GSE1: variants seen among roughly 807,000 people sequenced by gnomAD.
GSE1 encodes Gse1 coiled-coil protein.
Under a neutral mutation model 112.6 loss-of-function variants are expected in GSE1, and 32 were observed. The ratio of observed to expected loss-of-function variants is 0.28; its 90% CI spans 0.21 to 0.38. The LOEUF (loss-of-function observed/expected upper bound fraction) is 0.38, where lower values mean the gene tolerates loss of function less well. Ranked by LOEUF, GSE1 falls within the 10% of genes least tolerant of loss-of-function variation. The pLI is 1.00. For missense variants in GSE1, 2,348 were observed against 1,699.2 expected, an observed-to-expected ratio of 1.38 and a Z score of -6.71; for synonymous variants, 1,115 against 735.6, an observed-to-expected ratio of 1.52 and a Z score of -8.35.
intron 1 of GSE1, among the ~76,000 whole-genome samples, chr16:85,304,595 C>CGGG (rs2045616253): frequency 6.3e-5 from 1 of 15,940 alleles, no homozygotes; most frequent in Non-Finnish European, 9.7e-5. Context: ...GCTGCCAAGC[C>CGGG]GGGGGCGGGG....
intron 2 of GSE1, among the ~76,000 whole-genome samples, chr16:85,506,652 A>T (rs8047579): frequency 0.34 from 51,233 of 151,646 alleles, 9,863 homozygotes; most frequent in East Asian, 0.54. Context: ...AGGGGGTGTG[A>T]TTTCAATGCA....
At position 85,238,495 on chromosome 16, in the gene GSE1, G is replaced by A. The variant is rs888495698; in HGVS notation, c.2283+66688G>A. Among the ~76,000 whole-genome samples the A allele has an allele frequency of 3.3e-5, 5 of 152,166 alleles. No individual in the cohort carries two copies. In the East Asian group the frequency reaches 9.7e-4, roughly 29 times the overall value. On this transcript the variant is annotated intron_variant, in intron 1 of 2. Transcript: ENST00000637419. ...GGAATCCCGAGCCTGCGTGAGGGCC[G>A]CCCTGGCCTCGGCGTGTGTCCTGGG...
intron 1 of GSE1, among the ~76,000 whole-genome samples, chr16:85,277,669 G>A (rs375926628): frequency 6.6e-6 from 1 of 152,234 alleles, no homozygotes; most frequent in East Asian, 1.9e-4. Flanking sequence ...GCCTGGAAGC[G>A]GTGGGTATGT....
intron 1 of GSE1, among the ~76,000 whole-genome samples, chr16:85,192,242 T>G (rs1331523939): frequency 1.3e-5 from 2 of 152,244 alleles, no homozygotes; most frequent in Non-Finnish European, 2.9e-5. Flanking sequence ...ATTATTCCAC[T>G]GTAGAGCAAG....
At chr16:85,574,193 G>A (rs1169619117) in intron 1 of GSE1, among the ~76,000 whole-genome samples, 1 of 152,246 alleles carries the variant, frequency 6.6e-6, no homozygotes, top group Non-Finnish European at 1.5e-5. Flanking sequence ...GGAAGCCATT[G>A]AGGGCCGGCC....
At chr16:85,465,922 C>G (rs2050109273) in intron 2 of GSE1, among the ~76,000 whole-genome samples, 1 of 152,232 alleles carries the variant, frequency 6.6e-6, no homozygotes, top group Non-Finnish European at 1.5e-5. Flanking sequence ...TCAGTGAGCA[C>G]TTTGTTCTAA....
chr16:85,660,132 G>A (rs868597296), intron 8 of GSE1, among the ~76,000 whole-genome samples: 2 of 152,244 alleles, frequency 1.3e-5, no homozygotes, highest in Non-Finnish European at 2.9e-5. Flanking sequence ...GGAGGAGAGG[G>A]TGCTGGTGGC....
At chr16:85,292,582 C>T (rs983951124) in intron 1 of GSE1, among the ~76,000 whole-genome samples, 8 of 152,116 alleles carry the variant, frequency 5.3e-5, no homozygotes, top group Non-Finnish European at 1.0e-4. Context: ...CTGCCTCGGC[C>T]CCCCAAAGTG....
At chr16:85,607,065 T>TGGG (rs555152871), upstream of GSE1, among the ~76,000 whole-genome samples, 36 of 8,118 alleles carry the variant, frequency 4.4e-3, no homozygotes, top group South Asian at 0.016. Flanking sequence ...GAGCCTGGGG[T>TGGG]GGGGGGGGCG....
At chr16:85,448,590 G>GA (rs898880964) in intron 2 of GSE1, among the ~76,000 whole-genome samples, 50 of 152,346 alleles carry the variant, frequency 3.3e-4, no homozygotes, top group Admixed American at 1.2e-3. Context: ...AAAGTGAGCA[G>GA]AGCCGACCCT....
chr16:85,415,465 C>T (rs926750446), intron 2 of GSE1, among the ~76,000 whole-genome samples: 3 of 152,224 alleles, frequency 2.0e-5, no homozygotes, highest in Non-Finnish European at 2.9e-5. Context: ...AACTTGCCAT[C>T]CTAGAGATGC....
Position 85,566,589 on chromosome 16 carries a change from C to T in GSE1, c.37+10226C>T, listed in dbSNP as rs115287395. On this transcript the variant is annotated intron_variant, in intron 1 of 2. Coordinates refer to the GSE1 transcript ENST00000635906. ...CCAACCCCAGAAGACTTCAGTGTCA[C>T]CCTTAGTGAGTGACAGGCCCACAGC... 4.1e-3 allele frequency among the ~76,000 whole-genome samples: 631 copies of T among 152,318 alleles called. 2 individuals carry two copies. The highest frequency in any genetic ancestry group is 0.014 in the African/African-American group (599 of 41,562).
intron 2 of GSE1, among the ~76,000 whole-genome samples, chr16:85,638,657 C>A (rs1212843852): frequency 6.8e-6 from 1 of 146,932 alleles, no homozygotes; most frequent in African/African-American, 2.5e-5. Context: ...CCACCCCCGC[C>A]TCCCCTTCCC....
intron 1 of GSE1, among the ~76,000 whole-genome samples, chr16:85,248,246 CTGCCTCCCTT>C (rs540213613): frequency 6.6e-6 from 1 of 152,346 alleles, no homozygotes; most frequent in African/African-American, 2.4e-5. Flanking sequence ...CGGCCTCCCT[CTGCCTCCCTT>C]TACCTTTCCC....
intron 1 of GSE1, among the ~76,000 whole-genome samples, chr16:85,258,346 C>T (rs1026092971): frequency 1.3e-5 from 2 of 152,222 alleles, no homozygotes; most frequent in Non-Finnish European, 2.9e-5. Context: ...TGTCCTGGCT[C>T]CGCACCCCTG....
At chr16:85,551,099 G>C (rs1241713182), upstream of GSE1, among the ~76,000 whole-genome samples, 1 of 152,118 alleles carries the variant, frequency 6.6e-6, no homozygotes, top group Admixed American at 6.5e-5. Flanking sequence ...CTACCTGGAG[G>C]CTCAGGTCTG....
chr16:85,415,261 G>T (rs528969382), intron 2 of GSE1, among the ~76,000 whole-genome samples: 11 of 152,212 alleles, frequency 7.2e-5, no homozygotes, highest in Non-Finnish European at 1.6e-4. Flanking sequence ...TTATATTTGT[G>T]TACCTTGTTT....
intron 1 of GSE1, among the ~76,000 whole-genome samples, chr16:85,294,643 C>CTG (rs1166562897): frequency 9.1e-5 from 12 of 131,970 alleles, no homozygotes; most frequent in African/African-American, 3.3e-4. Context: ...CTCTCTCTCT[C>CTG]TCTCTCTCTC....
At chr16:85,218,697 C>T (rs1306958645) in intron 1 of GSE1, among the ~76,000 whole-genome samples, 1 of 152,222 alleles carries the variant, frequency 6.6e-6, no homozygotes, top group Non-Finnish European at 1.5e-5. Flanking sequence ...CTGCGCCTGG[C>T]TCACCCATGA....
Sources: gnomAD v4.1 joint callset for allele counts (sites outside exome capture counted in the v4.1 genomes callset) on GRCh38, gnomAD v4.1.1 for gene constraint, MANE v1.5 for transcripts, NCBI Gene and HGNC (gene_info 2026-07-23, HGNC 2026-07-21) for gene names.